LMX1A: variants seen among roughly 807,000 people sequenced by gnomAD.
LMX1A encodes the protein LIM homeobox transcription factor 1-alpha.
LMX1A carries 15 observed loss-of-function variants against 49.1 expected under a neutral mutation model. That is an observed-to-expected ratio of 0.31 (90% CI 0.20 to 0.47). The LOEUF (loss-of-function observed/expected upper bound fraction) is 0.47, where lower values mean the gene tolerates loss of function less well. LMX1A is among the 20% of genes least tolerant of loss of function. The pLI, the probability that LMX1A is intolerant of heterozygous loss-of-function variation, is 1.00. For synonymous variants in LMX1A, 167 were observed against 185.7 expected (o/e 0.90, Z 0.82); for missense variants, 372 against 475.8 (o/e 0.78, Z 2.03).
intron 2 of LMX1A, among the ~76,000 whole-genome samples, chr1:165,353,496 A>G (rs71628377): frequency 0.09 from 13,684 of 152,216 alleles, 790 homozygotes; most frequent in South Asian, 0.14. Context: ...GAGGGTATAG[A>G]AATCAATAAT....
At chr1:165,350,345 C>T (rs1234215011) in intron 3 of LMX1A, among the ~76,000 whole-genome samples, 2 of 152,168 alleles carry the variant, frequency 1.3e-5, no homozygotes, top group Non-Finnish European at 2.9e-5. Context: ...TCTAGTCCTA[C>T]ACTCTAAATG....
At chr1:165,244,907 C>G (rs1298466536) in intron 4 of LMX1A, among the ~76,000 whole-genome samples, 2 of 151,726 alleles carry the variant, frequency 1.3e-5, no homozygotes, top group African/African-American at 4.8e-5. Flanking sequence ...CATTCATCTG[C>G]TTGGGAGGCT....
intron 7 of LMX1A, 35 bp downstream of exon 7, chr1:165,208,028 C>T (rs1024926990): frequency 6.2e-7 from 1 of 1,600,296 alleles, no homozygotes. Context: ...GCCTGGATTC[C>T]AGCCAGAACT....
chr1:165,320,505 T>C (rs1004403682), intron 3 of LMX1A, among the ~76,000 whole-genome samples: 1 of 151,364 alleles, frequency 6.6e-6, no homozygotes, highest in Non-Finnish European at 1.5e-5. Flanking sequence ...AGAGACTGTG[T>C]CTGCATTAAG....
intron 4 of LMX1A, among the ~76,000 whole-genome samples, chr1:165,232,865 T>G (rs534993312): frequency 6.6e-6 from 1 of 152,292 alleles, no homozygotes; most frequent in Non-Finnish European, 1.5e-5. Context: ...AACATGTGGC[T>G]TCCCAACCAT....
chr1:165,273,858 C>A (rs187427824), intron 3 of LMX1A, among the ~76,000 whole-genome samples: 2 of 152,110 alleles, frequency 1.3e-5, no homozygotes, highest in Non-Finnish European at 2.9e-5. Flanking sequence ...ACAAATGAGG[C>A]GCCCTTGGGA....
At chr1:165,343,353 T>A (rs1656135816) in intron 3 of LMX1A, among the ~76,000 whole-genome samples, 1 of 152,066 alleles carries the variant, frequency 6.6e-6, no homozygotes, top group East Asian at 1.9e-4. Flanking sequence ...TGGCTTATCA[T>A]ACACAGCTTC....
At chr1:165,207,283 G>A (rs1196635141) in intron 7 of LMX1A, among the ~76,000 whole-genome samples, 2 of 152,150 alleles carry the variant, frequency 1.3e-5, no homozygotes, top group African/African-American at 4.8e-5. Flanking sequence ...GTTTAAGAAT[G>A]ACATTGTTCT....
At chr1:165,213,546 C>G in intron 5 of LMX1A, 95 bp downstream of exon 5, 1 of 1,182,218 alleles carries the variant, frequency 8.5e-7, no homozygotes, top group Admixed American at 2.1e-5. Context: ...TTCCTCACCA[C>G]TGTGACCCCC....
At chr1:165,320,232 T>A (rs995925546) in intron 3 of LMX1A, among the ~76,000 whole-genome samples, 2 of 152,188 alleles carry the variant, frequency 1.3e-5, no homozygotes, top group African/African-American at 4.8e-5. Context: ...CTGATAAATA[T>A]CTCATAACCT....
intron 3 of LMX1A, among the ~76,000 whole-genome samples, chr1:165,344,713 C>T (rs1023976593): frequency 1.3e-5 from 2 of 152,240 alleles, no homozygotes; most frequent in African/African-American, 4.8e-5. Context: ...AGGACAAGGA[C>T]AGCTCTTTAA....
intron 3 of LMX1A, among the ~76,000 whole-genome samples, chr1:165,340,353 T>C (rs1203398655): frequency 2.0e-5 from 3 of 152,078 alleles, no homozygotes; most frequent in African/African-American, 4.8e-5. Context: ...CACCTCAGCC[T>C]CCCAAAGTGC....
At chr1:165,230,005 G>T (rs962031623) in intron 4 of LMX1A, among the ~76,000 whole-genome samples, 2 of 152,180 alleles carry the variant, frequency 1.3e-5, no homozygotes, top group Admixed American at 1.3e-4. Flanking sequence ...CATAATGGGG[G>T]AACCCTCGTG....
intron 3 of LMX1A, among the ~76,000 whole-genome samples, chr1:165,262,831 AT>A (rs972957450): frequency 2.6e-5 from 4 of 151,978 alleles, no homozygotes; most frequent in African/African-American, 9.7e-5. Flanking sequence ...AAAAAAAAAA[AT>A]TTTAATTACT....
intron 3 of LMX1A, among the ~76,000 whole-genome samples, chr1:165,276,289 G>T (rs1653966075): frequency 6.6e-6 from 1 of 152,134 alleles, no homozygotes. Context: ...GCTCCTCCTT[G>T]TCTGATACTG....
chr1:165,249,496 G>T lies in LMX1A; in HGVS notation c.408C>A (p.Val136=). Residue 136 remains valine (V), a synonymous_variant, in exon 4 of 9, where the codon GTC becomes GTA. Coordinates refer to ENST00000342310, the MANE Select transcript of LMX1A (RefSeq NM_177398.4). ...ERQLQKGDEF[V]LKEGQLLCKG... ...TGCAGAGCAGCTGCCCCTCCTTCAG[G>T]ACAAACTCATCACCCTTCTGAAGCT... The T allele has an allele frequency of 6.2e-7, 1 of 1,614,102 alleles. No individual in the cohort carries two copies. Among genetic ancestry groups the T allele is most frequent in the Non-Finnish European group, 8.5e-7 (1 of 1,180,014 alleles).
intron 3 of LMX1A, among the ~76,000 whole-genome samples, chr1:165,309,889 G>A (rs1433126880): frequency 6.6e-6 from 1 of 152,152 alleles, no homozygotes; most frequent in Non-Finnish European, 1.5e-5. Flanking sequence ...TGAGAAAAAT[G>A]CTCATCCACT....
intron 5 of LMX1A, 91 bp downstream of exon 5, chr1:165,213,550 G>A: frequency 8.3e-7 from 1 of 1,206,998 alleles, no homozygotes. Flanking sequence ...TCACCACTGT[G>A]ACCCCCAATG....
At chr1:165,329,159 G>C (rs1473204675) in intron 3 of LMX1A, among the ~76,000 whole-genome samples, 1 of 152,184 alleles carries the variant, frequency 6.6e-6, no homozygotes, top group Non-Finnish European at 1.5e-5. Context: ...TGGCAGGTGA[G>C]AGAAAGAGAG....
Sources: allele counts gnomAD v4.1 joint callset (sites outside exome capture counted in the v4.1 genomes callset), GRCh38; gene constraint gnomAD v4.1.1; transcripts MANE v1.5; gene names NCBI Gene and HGNC (gene_info 2026-07-23, HGNC 2026-07-21).